The following RYR3 variants were observed in gnomAD, a reference collection of about 807,000 sequenced individuals.
The protein encoded by RYR3 is ryanodine receptor 3.
A neutral mutation model predicts 584.3 loss-of-function variants in RYR3; 207 were observed. The ratio of observed to expected loss-of-function variants is 0.35; its 90% CI spans 0.32 to 0.40. RYR3 has a LOEUF of 0.40. Among genes scored for constraint, RYR3 ranks in the 10% least tolerant of loss-of-function variants. RYR3 has a pLI of 1.00. For missense variants in RYR3, 5,616 were observed against 6,089.2 expected (o/e 0.92, Z 2.59); for synonymous variants, 2,416 against 2,248.5 (o/e 1.07, Z -2.11).
chr15:33,530,523 T>A (rs34239987), intron 3 of RYR3, 69 bp from the exon 4 acceptor site: 1 of 1,040,536 alleles, frequency 9.6e-7, no homozygotes, highest in South Asian at 1.3e-5. Context: ...CCCAGAATTA[T>A]TGTGTTGCTT....
At chr15:33,485,549 C>T (rs911743726) in intron 2 of RYR3, among the ~76,000 whole-genome samples, 2 of 152,122 alleles carry the variant, frequency 1.3e-5, no homozygotes, top group Non-Finnish European at 2.9e-5. Context: ...AAATGAGGAA[C>T]TCATGTTTCA....
rs1304033334 is a variant in RYR3, at chr15:33,320,473, A to G, written c.51+9377A>G. 2.6e-5 allele frequency among the ~76,000 whole-genome samples: 4 copies of G among 152,374 alleles called. No individual in the cohort carries two copies. The South Asian group carries it at 6.2e-4, about 24-fold the overall frequency. On this transcript the variant is annotated intron_variant, in intron 1 of 103. Transcript: ENST00000634891. ...CAAGTTACTGGAAGTTACATAGATG[A>G]AAAAGACATCTTAATGTTTGTTGTT...
At chr15:33,734,893 G>A (rs2069301209) in intron 48 of RYR3, among the ~76,000 whole-genome samples, 1 of 151,832 alleles carries the variant, frequency 6.6e-6, no homozygotes, top group African/African-American at 2.4e-5. Flanking sequence ...GCTTCACCAT[G>A]TTAGCCAGGC....
At chr15:33,507,092 A>G (rs988459870) in intron 3 of RYR3, among the ~76,000 whole-genome samples, 1 of 152,190 alleles carries the variant, frequency 6.6e-6, no homozygotes, top group Non-Finnish European at 1.5e-5. Context: ...TTTTCCTTCT[A>G]GTCAAAAATT....
At chr15:33,341,378 C>A (rs186755958) in intron 1 of RYR3, among the ~76,000 whole-genome samples, 3 of 152,136 alleles carry the variant, frequency 2.0e-5, no homozygotes, top group African/African-American at 7.2e-5. Context: ...TTTTCAGATG[C>A]TGCTGCTGCT....
chr15:33,784,330 A>G (rs2074572238), intron 65 of RYR3, among the ~76,000 whole-genome samples: 2 of 152,238 alleles, frequency 1.3e-5, no homozygotes, highest in Admixed American at 1.3e-4. Flanking sequence ...TTCAATTCCA[A>G]TGGATATAAA....
intron 1 of RYR3, among the ~76,000 whole-genome samples, chr15:33,429,259 G>A (rs1308427263): frequency 6.6e-6 from 1 of 152,130 alleles, no homozygotes; most frequent in Admixed American, 6.5e-5. Context: ...GAGCTGGTAG[G>A]GAAATTTGGG....
rs1414355294 is a variant in RYR3, at chr15:33,530,633, T to C, written c.321T>C (p.His107=). 4 of 1,613,676 alleles carry C rather than the reference T, an allele frequency of 2.5e-6. No individual in the cohort carries two copies. In the African/African-American group the frequency reaches 5.3e-5, roughly 22 times the overall value. ...GCCACAGGACCCTGTTATACGGCCATGCAGTTCTCCTGAGGCACTCTTTCA... is the reference window on the plus strand; with the variant it reads ...GCCACAGGACCCTGTTATACGGCCACGCAGTTCTCCTGAGGCACTCTTTCA... ...GGGHRTLLYG[H]AVLLRHSFSG... Residue 107 remains histidine, a synonymous_variant, in exon 4 of 104, where the codon CAT becomes CAC. Coordinates refer to ENST00000634891, the MANE Select transcript of RYR3 (RefSeq NM_001036.6).
At chr15:33,560,856 T>C (rs540598582) in intron 10 of RYR3, among the ~76,000 whole-genome samples, 2 of 152,036 alleles carry the variant, frequency 1.3e-5, no homozygotes, top group African/African-American at 4.8e-5. Context: ...CTGGAAATAA[T>C]CTTTTTAAAA....
intron 60 of RYR3, among the ~76,000 whole-genome samples, chr15:33,761,989 C>G (rs1335277947): frequency 1.3e-5 from 2 of 152,186 alleles, no homozygotes; most frequent in Non-Finnish European, 1.5e-5. Context: ...ATCACATAAA[C>G]AGAACCAATG....
Position 33,834,908 on chromosome 15 carries a change from G to A in RYR3, c.11464-60G>A, listed in dbSNP as rs139353179. The A allele has an allele frequency of 9.1e-4, 1,234 of 1,362,446 alleles. 10 individuals carry two copies. The African/African-American group carries it at 0.011, about 12-fold the overall frequency. The allele number at this position is 1,362,446 out of a possible 1,614,324, so 84.4% of individuals were successfully genotyped here. A position where few individuals can be genotyped will look rare whatever the true frequency, so the allele number is the denominator to read the frequency against. Reference sequence around the variant, plus strand: ...AAGTAGGTATCAGATGCCCTTACTAGACAGGTTTCAGAGCAACTTGTGATG... The same window carrying A: ...AAGTAGGTATCAGATGCCCTTACTAAACAGGTTTCAGAGCAACTTGTGATG... On this transcript the variant is annotated intron_variant, in intron 86 of 103. Transcript: ENST00000634891.
chr15:33,460,940 CTTTTTT>C (rs66742049), intron 1 of RYR3, among the ~76,000 whole-genome samples: 31 of 79,208 alleles, frequency 3.9e-4, no homozygotes, highest in African/African-American at 9.7e-4. Flanking sequence ...TAATATCCAC[CTTTTTT>C]TTTTTTTTTT....
intron 26 of RYR3, 41 bp downstream of exon 26, chr15:33,635,860 G>GTT (rs780947744): frequency 6.5e-7 from 1 of 1,541,896 alleles, no homozygotes; most frequent in African/African-American, 1.4e-5. Flanking sequence ...CTCAGACCAA[G>GTT]TTTTCCTTCT....
chr15:33,508,488 A>T (rs2052671392), intron 3 of RYR3, among the ~76,000 whole-genome samples: 1 of 152,026 alleles, frequency 6.6e-6, no homozygotes. Flanking sequence ...TCTCTACTAA[A>T]AATACAAAAA....
Position 33,810,959 on chromosome 15 carries a change from C to T in RYR3, c.10198-19C>T, listed in dbSNP as rs757860669. The T allele has an allele frequency of 3.6e-5, 57 of 1,597,108 alleles. No individual in the cohort carries two copies. Among genetic ancestry groups the T allele is most frequent in the Non-Finnish European group, 4.8e-5 (56 of 1,171,194 alleles). On this transcript the variant is annotated intron_variant, in intron 71 of 103. Transcript: ENST00000634891. ...CCATGGTGATCTCCGGGAATAAAAT[C>T]TGACATCTCTTTCCACAGAGGGACA...
In RYR3 at chr15:33,434,866, G is replaced by A. The variant is rs555768157; in HGVS notation, c.52-38553G>A. The stretch of plus-strand genomic sequence containing the variant: ...AGAGTCTCGCTCTGTCTCCCAGGCT[G>A]GAGTGCAGTGGTGCGATCTTGGCTC... On this transcript the variant is annotated intron_variant, in intron 1 of 103. Transcript: ENST00000634891. 5.9e-5 allele frequency among the ~76,000 whole-genome samples: 9 copies of A among 152,220 alleles called. No individual in the cohort carries two copies. The South Asian group carries it at 1.9e-3, about 32-fold the overall frequency.
intron 16 of RYR3, among the ~76,000 whole-genome samples, chr15:33,599,535 G>A (rs990480211): frequency 6.6e-6 from 1 of 152,176 alleles, no homozygotes; most frequent in Non-Finnish European, 1.5e-5. Context: ...TTACAGATAG[G>A]TGATATACAA....
At chr15:33,713,132 G>A (rs1000789217) in intron 43 of RYR3, among the ~76,000 whole-genome samples, 3 of 152,146 alleles carry the variant, frequency 2.0e-5, no homozygotes, top group Admixed American at 6.5e-5. Flanking sequence ...ACTCTGCTCA[G>A]CAATGTAAGA....
At chr15:33,352,146 T>C (rs535033979) in intron 1 of RYR3, among the ~76,000 whole-genome samples, 1 of 152,310 alleles carries the variant, frequency 6.6e-6, no homozygotes, top group Non-Finnish European at 1.5e-5. Context: ...CTTTTGCCCG[T>C]TTTTAAATCA....
Sources: allele counts gnomAD v4.1 joint callset (sites outside exome capture counted in the v4.1 genomes callset), GRCh38; gene constraint gnomAD v4.1.1; transcripts MANE v1.5; gene names NCBI Gene and HGNC (gene_info 2026-07-23, HGNC 2026-07-21).